MAP2K3: variants seen among roughly 807,000 people sequenced by gnomAD.
MAP2K3 encodes the protein mitogen-activated protein kinase kinase 3.
A neutral mutation model predicts 46.4 loss-of-function variants in MAP2K3; 30 were observed. That is an observed-to-expected ratio of 0.65 (90% CI 0.48 to 0.88). The LOEUF (loss-of-function observed/expected upper bound fraction) is 0.88, where lower values mean the gene tolerates loss of function less well. Ranked by LOEUF, MAP2K3 falls within the 40% of genes least tolerant of loss-of-function variation. The pLI, the probability that MAP2K3 is intolerant of heterozygous loss-of-function variation, is 0.00. For missense variants in MAP2K3, 380 were observed against 464.5 expected (o/e 0.82, Z 1.67); for synonymous variants, 189 against 176.3 (o/e 1.07, Z -0.57).
In MAP2K3 at chr17:21,307,184, C is replaced by T. The variant is rs1976930294; in HGVS notation, c.774+2056C>T. ...CACCCTCTATAATCAGCTGGGTTTTCTGGGGAGCAGCCCCATCTGAGGCTG... is the reference window on the plus strand; with the variant it reads ...CACCCTCTATAATCAGCTGGGTTTTTTGGGGAGCAGCCCCATCTGAGGCTG... On this transcript the variant is annotated intron_variant, in intron 9 of 11. Transcript: ENST00000342679. Among the ~76,000 whole-genome samples, 3 of 152,426 alleles carry T rather than the reference C, an allele frequency of 2.0e-5. No homozygotes were observed. The South Asian group carries it at 6.2e-4, about 32-fold the overall frequency.
chr17:21,298,988 A>C (rs940763948), intron 3 of MAP2K3, 62 bp downstream of exon 3: 4 of 1,611,416 alleles, frequency 2.5e-6, no homozygotes, highest in Non-Finnish European at 3.4e-6. Flanking sequence ...GGTAGAGCTG[A>C]CCCTGCAGGG....
rs1172550394 is a variant in MAP2K3, at chr17:21,286,179, A to T, written c.49+1210A>T. Among the ~76,000 whole-genome samples the T allele has an allele frequency of 5.9e-5, 9 of 152,336 alleles. No homozygotes were observed. The East Asian group carries it at 1.4e-3, about 23-fold the overall frequency. On this transcript the variant is annotated intron_variant, in intron 1 of 11. Coordinates refer to ENST00000342679, the MANE Select transcript of MAP2K3 (RefSeq NM_145109.3). ...GAGCTCTGAGGCGTTCTCTCAGCGTAGCACCTGGCGCAGAGCCGGTGCTCA... is the reference window on the plus strand; with the variant it reads ...GAGCTCTGAGGCGTTCTCTCAGCGTTGCACCTGGCGCAGAGCCGGTGCTCA...
At chr17:21,299,019 TGA>T (rs1976436930) in intron 3 of MAP2K3, 93 bp downstream of exon 3, 5 of 1,572,978 alleles carry the variant, frequency 3.2e-6, no homozygotes, top group Non-Finnish European at 4.4e-6. Flanking sequence ...GGGAGGTGAC[TGA>T]GGGGTCAGAG....
At chr17:21,307,083 C>G (rs1401024022) in intron 9 of MAP2K3, among the ~76,000 whole-genome samples, 2 of 152,310 alleles carry the variant, frequency 1.3e-5, no homozygotes, top group Non-Finnish European at 2.9e-5. Context: ...ACTGCACCCA[C>G]TGAAAGTTTT....
rs1448803718 is a variant in MAP2K3, at chr17:21,298,935, C to T, written c.165+9C>T. On this transcript the variant is annotated intron_variant, in intron 3 of 11. Transcript: ENST00000342679. ...TCACCATTGGAGACAGAGTAGGTGC[C>T]AGCCGCCACCCCTGCAGGGCCTCTC... 1.2e-6 allele frequency: 2 copies of T among 1,614,128 alleles called. No individual in the cohort carries two copies. Among genetic ancestry groups the T allele is most frequent in the African/African-American group, 2.7e-5 (2 of 74,968 alleles).
chr17:21,300,812 G>A, intron 4 of MAP2K3, 62 bp from the exon 5 acceptor site: 2 of 1,612,982 alleles, frequency 1.2e-6, no homozygotes, highest in Non-Finnish European at 1.7e-6. Context: ...TGGCCCTCCT[G>A]TCATGAGTGT....
intron 4 of MAP2K3, 94 bp downstream of exon 4, chr17:21,300,752 A>T: frequency 1.2e-6 from 2 of 1,606,040 alleles, no homozygotes; most frequent in Middle Eastern, 1.7e-4. Flanking sequence ...AGTGATCAGT[A>T]CCGAGGCTAG....
chr17:21,304,398 G>C lies in MAP2K3; in HGVS notation c.569-28G>C, dbSNP rs200908664. ...CTGCCTCCAGTCGTGCTCCACAGACGTGGCTGAGGCATGTCCCTCCCTGGC... is the reference window on the plus strand; with the variant it reads ...CTGCCTCCAGTCGTGCTCCACAGACCTGGCTGAGGCATGTCCCTCCCTGGC... On this transcript the variant is annotated intron_variant, in intron 7 of 11. Transcript: ENST00000342679. 34 of 1,614,118 alleles carry C rather than the reference G, an allele frequency of 2.1e-5. No individual in the cohort carries two copies. In the Admixed American group the frequency reaches 5.7e-4, roughly 27 times the overall value.
Position 21,314,573 on chromosome 17 carries a change from G to C in MAP2K3, c.*343G>C. ...GCAGGCTGCCAGTGCCTGGGTGGAT[G>C]GGCCACCGCCTTGCCCAGCCTGGAT... On this transcript the variant is annotated 3_prime_UTR_variant, in exon 12 of 12. Coordinates refer to ENST00000342679, the MANE Select transcript of MAP2K3 (RefSeq NM_145109.3). 1 of 311,636 alleles carries C rather than the reference G, an allele frequency of 3.2e-6. No homozygotes were observed. Among genetic ancestry groups the C allele is most frequent in the Non-Finnish European group, 6.1e-6 (1 of 164,884 alleles). The allele number at this position is 311,636 out of a possible 1,614,324, so 19.3% of individuals were successfully genotyped here.
At chr17:21,311,459 C>G (rs1977156619) in intron 9 of MAP2K3, among the ~76,000 whole-genome samples, 1 of 152,128 alleles carries the variant, frequency 6.6e-6, no homozygotes, top group Non-Finnish European at 1.5e-5. Flanking sequence ...CACAGGAAAT[C>G]TGGATCCAGC....
intron 1 of MAP2K3, among the ~76,000 whole-genome samples, chr17:21,287,736 C>T (rs1975760165): frequency 6.6e-6 from 1 of 152,242 alleles, no homozygotes; most frequent in Non-Finnish European, 1.5e-5. Flanking sequence ...CACACGTGTC[C>T]TGTTGTCGTT....
At chr17:21,310,015 T>G (rs1387236838) in intron 9 of MAP2K3, among the ~76,000 whole-genome samples, 12 of 151,982 alleles carry the variant, frequency 7.9e-5, no homozygotes, top group Non-Finnish European at 1.8e-4. Flanking sequence ...TTTTGTTGTT[T>G]TTTTTTTTAG....
chr17:21,309,057 C>G (rs1977037732), intron 9 of MAP2K3, among the ~76,000 whole-genome samples: 1 of 152,310 alleles, frequency 6.6e-6, no homozygotes, highest in Non-Finnish European at 1.5e-5. Context: ...TGGCTGGGGT[C>G]ATGGCTGGGC....
At chr17:21,310,379 C>T (rs1263163304) in intron 9 of MAP2K3, among the ~76,000 whole-genome samples, 1 of 152,236 alleles carries the variant, frequency 6.6e-6, no homozygotes, top group Non-Finnish European at 1.5e-5. Context: ...TGCCACCATT[C>T]AGTCACCCTG....
At chr17:21,287,728 CA>C (rs1297115285) in intron 1 of MAP2K3, among the ~76,000 whole-genome samples, 1 of 152,256 alleles carries the variant, frequency 6.6e-6, no homozygotes, top group Non-Finnish European at 1.5e-5. Context: ...GAGGGTACCA[CA>C]CGTGTCCTGT....
At chr17:21,293,097 G>A (rs746015400) in intron 1 of MAP2K3, among the ~76,000 whole-genome samples, 816 of 152,050 alleles carry the variant, frequency 5.4e-3, no homozygotes, top group Non-Finnish European at 9.4e-3. Flanking sequence ...AAATGTTAGT[G>A]GGTGTTGTAG....
chr17:21,313,595 G>A, intron 11 of MAP2K3, 58 bp downstream of exon 11: 1 of 1,275,950 alleles, frequency 7.8e-7, no homozygotes, highest in South Asian at 1.2e-5. Flanking sequence ...GGCTGGGTGG[G>A]GCTCTGGGGA....
chr17:21,284,982 G>C lies in MAP2K3; in HGVS notation c.49+13G>C. 6.2e-7 allele frequency: 1 copy of C among 1,606,506 alleles called. No individual in the cohort carries two copies. Among genetic ancestry groups the C allele is most frequent in the Non-Finnish European group, 8.5e-7 (1 of 1,177,228 alleles). ...CCCCAGTCCAAAGGTAGGCGCTCCC[G>C]GCCGGGACCTCGGCCTGACCCCGCG... On this transcript the variant is annotated intron_variant, in intron 1 of 11. Transcript: ENST00000342679.
At chr17:21,300,471 GT>G in intron 3 of MAP2K3, 73 bp from the exon 4 acceptor site, 3 of 1,447,312 alleles carry the variant, frequency 2.1e-6, no homozygotes, top group Non-Finnish European at 2.9e-6. Context: ...TGCTGCCCAG[GT>G]ATCTCCACTG....
Sources: gnomAD v4.1 joint callset for allele counts (sites outside exome capture counted in the v4.1 genomes callset) on GRCh38, gnomAD v4.1.1 for gene constraint, MANE v1.5 for transcripts, NCBI Gene and HGNC (gene_info 2026-07-23, HGNC 2026-07-21) for gene names.